Variants in DALRD3 observed in about 807,000 individuals in gnomAD.
DALRD3 encodes the protein DALR anticodon binding domain containing 3.
Under a neutral mutation model 56.7 loss-of-function variants are expected in DALRD3, and 47 were observed. That is an observed-to-expected ratio of 0.83 (90% CI 0.66 to 1.06). DALRD3 has a LOEUF of 1.06. Ranked by LOEUF, DALRD3 falls within the 50% of genes least tolerant of loss-of-function variation. The pLI is 0.00. For missense variants in DALRD3, 787 were observed against 724.0 expected (o/e 1.09, Z -1.00); for synonymous variants, 347 against 308.5 (o/e 1.12, Z -1.31).
At position 49,016,086 on chromosome 3, in the gene DALRD3, C is replaced by T. The variant is rs756955367; in HGVS notation, c.1330G>A (p.Gly444Ser). 2 of 1,604,420 alleles carry T rather than the reference C, an allele frequency of 1.2e-6. No homozygotes were observed. The highest frequency in any genetic ancestry group is 2.2e-5 in the South Asian group (2 of 90,218). The stretch of plus-strand genomic sequence containing the variant: ...CTGTTGAAGAGCAACAACCACTCAC[C>T]CTGTTGGGGAGAAAGGTGCTGGGAG... ...SLDFSLLHDE[G>S]EWLLLFNSIL... Residue 444 changes from glycine to serine, a missense_variant and splice_region_variant, in exon 10 of 12, where the codon GGT becomes AGT. Transcript: ENST00000341949.
In DALRD3 at chr3:49,016,294, T is replaced by C. The variant is rs1256985689; in HGVS notation, c.1193A>G (p.Lys398Arg). ...ADSSISTKGTKSGTFVMYNCA... is the reference protein window; with the variant it reads ...ADSSISTKGTRSGTFVMYNCA... ...ATTATACATGACAAAGGTGCCACTC[T>C]TTGTGCCCTTCGTGGAGATACTGCT... Residue 398 changes from lysine to arginine, a missense_variant, in exon 9 of 12, where the codon AAG (lysine) becomes AGG (arginine). Coordinates refer to ENST00000341949, the MANE Select transcript of DALRD3 (RefSeq NM_001009996.3). 6.2e-7 allele frequency: 1 copy of C among 1,612,474 alleles called. No homozygotes were observed. The highest frequency in any genetic ancestry group is 2.2e-5 in the East Asian group (1 of 44,814).
upstream of DALRD3, among the ~76,000 whole-genome samples, chr3:49,019,488 T>C (rs1261772420): frequency 6.6e-6 from 1 of 151,654 alleles, no homozygotes; most frequent in Non-Finnish European, 1.5e-5. Flanking sequence ...ACTTTTTTTT[T>C]TTTTTTTTGA....
chr3:49,017,526 C>CA lies in DALRD3; in HGVS notation c.719-14dup. 1 of 1,614,180 alleles carries CA rather than the reference C, an allele frequency of 6.2e-7. No homozygotes were observed. The highest frequency in any genetic ancestry group is 8.5e-7 in the Non-Finnish European group (1 of 1,180,040). On this transcript the variant is annotated splice_polypyrimidine_tract_variant and intron_variant, in intron 3 of 11. Coordinates refer to ENST00000341949, the MANE Select transcript of DALRD3 (RefSeq NM_001009996.3). ...AGATCCTCAGTCACTGAAAAGAGAA[C>CA]AGACAGGTGCTGAGACTGACAAGAA...
At chr3:49,020,288 C>A, upstream of DALRD3, 1 of 508,948 alleles carries the variant, frequency 2.0e-6, no homozygotes, top group Non-Finnish European at 4.1e-6. Flanking sequence ...TGGGAACCCT[C>A]AGTCAAACTG....
chr3:49,019,754 C>T (rs540065641), upstream of DALRD3, among the ~76,000 whole-genome samples: 3 of 152,314 alleles, frequency 2.0e-5, no homozygotes, highest in East Asian at 3.9e-4. Context: ...GGATTACAGG[C>T]GTGAGCCACC....
chr3:49,016,721 A>G (rs2093080423), intron 6 of DALRD3, 48 bp from the exon 7 acceptor site: 1 of 1,613,956 alleles, frequency 6.2e-7, no homozygotes, highest in Non-Finnish European at 8.5e-7. Context: ...CTGGGTAAAG[A>G]GTCCCCCCTC....
At position 49,017,339 on chromosome 3, in the gene DALRD3, A is replaced by G. The variant is rs762618519; in HGVS notation, c.816T>C (p.Thr272=). 8.7e-6 allele frequency: 14 copies of G among 1,614,084 alleles called. No individual in the cohort carries two copies. The highest frequency in any genetic ancestry group is 2.7e-5 in the African/African-American group (2 of 74,932). ...SHPGLAGASD[T]GTGGCLVVHV... ...GTACAACCAGGCAGCCGCCTGTACC[A>G]GTATCTGAGGCCCCAGCCTAAGGGA... is the stretch of plus-strand genomic sequence containing the variant. The change falls in exon 5 of 12, where the codon ACT becomes ACC. Residue 272 remains threonine (T), a synonymous_variant. Coordinates refer to ENST00000341949, the MANE Select transcript of DALRD3 (RefSeq NM_001009996.3).
Position 49,017,782 on chromosome 3 carries a change from C to G in DALRD3, c.549G>C (p.Ser183=). The change falls in exon 3 of 12, where the codon TCG becomes TCC. Residue 183 remains serine (S), a synonymous_variant. Coordinates refer to ENST00000341949, the MANE Select transcript of DALRD3 (RefSeq NM_001009996.3). ...TCAGGGTGTGGGAGGAAGCTCTCTC[C>G]GAGGCAGCGGGCCAGTCCACCCGCA... ...QQLRVDWPAA[S]ERASSHTLRS... 6.2e-7 allele frequency: 1 copy of G among 1,613,572 alleles called. No homozygotes were observed.
In DALRD3 at chr3:49,015,698, G is replaced by C; in HGVS notation, c.1522C>G (p.Pro508Ala). The C allele has an allele frequency of 1.9e-6, 3 of 1,614,098 alleles. No individual in the cohort carries two copies. Among genetic ancestry groups the C allele is most frequent in the African/African-American group, 1.3e-5 (1 of 75,008 alleles). Residue 508 changes from proline (P) to alanine (A), a missense_variant, in exon 12 of 12, where the codon CCA becomes GCA. Coordinates refer to ENST00000341949, the MANE Select transcript of DALRD3 (RefSeq NM_001009996.3). ...NRVHILGEPRPHLFGQMFVRL... is the reference protein window; with the variant it reads ...NRVHILGEPRAHLFGQMFVRL... The stretch of plus-strand genomic sequence containing the variant: ...ACGAACATCTGACCAAAGAGGTGTG[G>C]TCGAGGCTCCTGAAAGAGAAAGGGC...
At chr3:49,016,870 T>C (rs2093085025) in intron 5 of DALRD3, 23 bp from the exon 6 acceptor site, 2 of 1,613,910 alleles carry the variant, frequency 1.2e-6, no homozygotes, top group Admixed American at 3.3e-5. Flanking sequence ...TGTCAGGGGC[T>C]CAGCCTAGTT....
upstream of DALRD3, chr3:49,018,832 A>T: frequency 1.0e-6 from 1 of 985,428 alleles, no homozygotes; most frequent in Non-Finnish European, 1.2e-6. Context: ...AACCAGGAAA[A>T]GGATCCTCGC....
At position 49,018,182 on chromosome 3, in the gene DALRD3, G is replaced by A. The variant is rs1310094763; in HGVS notation, c.302C>T (p.Ala101Val). ...GGCGGGCGTGGCATAGGCGGCCACGGCGCTGAGGACGCGCTCGAAGACGGC... is the reference window on the plus strand; with the variant it reads ...GGCGGGCGTGGCATAGGCGGCCACGACGCTGAGGACGCGCTCGAAGACGGC... The part of the protein sequence containing the change: ...RSAVFERVLS[A>V]VAAYATPASP... Residue 101 changes from alanine (A) to valine (V), a missense_variant, in exon 2 of 12, where the codon GCC (alanine) becomes GTC (valine). By Grantham distance (64) the Ala-to-Val change is moderately conservative. Transcript: ENST00000341949. 5.5e-6 allele frequency: 8 copies of A among 1,451,118 alleles called. No homozygotes were observed. The South Asian group carries it at 1.2e-4, about 21-fold the overall frequency. The allele number at this position is 1,451,118 out of a possible 1,614,324, so 89.9% of individuals were successfully genotyped here.
At position 49,016,775 on chromosome 3, in the gene DALRD3, C is replaced by T. The variant is rs139901939; in HGVS notation, c.1000G>A (p.Glu334Lys). 21 of 1,614,152 alleles carry T rather than the reference C, an allele frequency of 1.3e-5. No individual in the cohort carries two copies. Among genetic ancestry groups the T allele is most frequent in the Non-Finnish European group, 1.6e-5 (19 of 1,180,026 alleles). The change falls in exon 6 of 12, where the codon GAG (glutamate) becomes AAG (lysine). Residue 334 changes from glutamate (E) to lysine (K), a missense_variant and splice_region_variant. Coordinates refer to ENST00000341949, the MANE Select transcript of DALRD3 (RefSeq NM_001009996.3). Reference sequence around the variant, plus strand: ...GGTGTTCCTCCCAGCCTCACTCACTCGTAGTACTCAGGGGCAGTCATCAGA... The same window carrying T: ...GGTGTTCCTCCCAGCCTCACTCACTTGTAGTACTCAGGGGCAGTCATCAGA... ...GTLMTAPEYYEFRHTQVCKAS... is the reference protein window; with the variant it reads ...GTLMTAPEYYKFRHTQVCKAS...
rs570572688 is a variant in DALRD3, at chr3:49,018,482, T to C, written c.83A>G (p.Lys28Arg). Reference sequence around the variant, plus strand: ...ACGCAGGTGGCGGGTGCGCGTCTCCTTGATCCACACCGGACCGCCTGGCCC... The same window carrying C: ...ACGCAGGTGGCGGGTGCGCGTCTCCCTGATCCACACCGGACCGCCTGGCCC... ...ALGPGGPVWI[K>R]ETRTRHLRSR... Residue 28 changes from lysine to arginine, a missense_variant, in exon 1 of 12, where the codon AAG (lysine) becomes AGG (arginine). Physicochemically the swap from Lys to Arg is conservative, Grantham distance 26. Coordinates refer to ENST00000341949, the MANE Select transcript of DALRD3 (RefSeq NM_001009996.3). The C allele has an allele frequency of 6.3e-7, 1 of 1,587,980 alleles. No homozygotes were observed. The highest frequency in any genetic ancestry group is 2.3e-5 in the East Asian group (1 of 43,470).
Position 49,016,503 on chromosome 3 carries a change from A to G in DALRD3, c.1072T>C (p.Trp358Arg), listed in dbSNP as rs559963267. Reference sequence around the variant, plus strand: ...GAGAGAACACCAAAGATCTCTGTCCAGGCTGGGTCTGAGGGAGTATAGGGT... The same window carrying G: ...GAGAGAACACCAAAGATCTCTGTCCGGGCTGGGTCTGAGGGAGTATAGGGT... The part of the protein sequence containing the change: ...HGGDLAQDPA[W>R]TEIFGVLSVA... The change falls in exon 8 of 12, where the codon TGG becomes CGG. Residue 358 changes from tryptophan to arginine, a missense_variant. Physicochemically the swap from Trp to Arg is moderately radical, Grantham distance 101. Transcript: ENST00000341949. 1.2e-6 allele frequency: 2 copies of G among 1,613,982 alleles called. No homozygotes were observed. The highest frequency in any genetic ancestry group is 4.5e-5 in the East Asian group (2 of 44,878).
chr3:49,018,499 G>T lies in DALRD3; in HGVS notation c.66C>A (p.Gly22=), dbSNP rs1347145939. 1.3e-6 allele frequency: 2 copies of T among 1,585,788 alleles called. No homozygotes were observed. Among genetic ancestry groups the T allele is most frequent in the African/African-American group, 1.3e-5 (1 of 74,252 alleles). The change falls in exon 1 of 12, where the codon GGC becomes GGA. Residue 22 remains glycine, a synonymous_variant. Coordinates refer to ENST00000341949, the MANE Select transcript of DALRD3 (RefSeq NM_001009996.3). ...LGALNAALGP[G]GPVWIKETRT... is the part of the protein sequence containing the mutation. ...GCGTCTCCTTGATCCACACCGGACC[G>T]CCTGGCCCCAGGGCCGCGTTGAGGG...
At position 49,017,279 on chromosome 3, in the gene DALRD3, C is replaced by T. The variant is rs1454490438; in HGVS notation, c.876G>A (p.Gln292=). Residue 292 remains glutamine, a synonymous_variant, in exon 5 of 12, where the codon CAG becomes CAA. Coordinates refer to ENST00000341949, the MANE Select transcript of DALRD3 (RefSeq NM_001009996.3). ...ACTTCTGCCAAAGCAGGTCCAACTT[C>T]TGTTGCTGGAACTCCTCCTCACAGC... ...VVSCEEEFQQ[Q]KLDLLWQKLV... The T allele has an allele frequency of 6.2e-7, 1 of 1,614,234 alleles. No individual in the cohort carries two copies. Among genetic ancestry groups the T allele is most frequent in the South Asian group, 1.1e-5 (1 of 91,092 alleles).
Position 49,017,840 on chromosome 3 carries a change from C to T in DALRD3, c.491G>A (p.Arg164Gln), listed in dbSNP as rs143496675. The T allele has an allele frequency of 4.4e-6, 7 of 1,606,980 alleles. No homozygotes were observed. The East Asian group carries it at 1.3e-4, about 31-fold the overall frequency. ...CAGGAAGGTCAGCATGTGCGGATCC[C>T]GCACAGCTGGCACTAGGCGCACGCA... ...GVCVRLVPAV[R>Q]DPHMLTFLQQ... Residue 164 changes from arginine (R) to glutamine (Q), a missense_variant, in exon 3 of 12, where the codon CGG (arginine) becomes CAG (glutamine). Transcript: ENST00000341949.
At position 49,017,321 on chromosome 3, in the gene DALRD3, C is replaced by T. The variant is rs367838171; in HGVS notation, c.834G>A (p.Leu278=). ...CCTCACAGCTAACAACATGTACAAC[C>T]AGGCAGCCGCCTGTACCAGTATCTG... is the stretch of plus-strand genomic sequence containing the variant. The part of the protein sequence containing the change: ...GASDTGTGGC[L]VVHVVSCEEE... The change falls in exon 5 of 12, where the codon CTG becomes CTA. Residue 278 remains leucine (L), a synonymous_variant. Coordinates refer to ENST00000341949, the MANE Select transcript of DALRD3 (RefSeq NM_001009996.3). 2 of 1,614,238 alleles carry T rather than the reference C, an allele frequency of 1.2e-6. No homozygotes were observed.
Sources: allele counts gnomAD v4.1 joint callset (sites outside exome capture counted in the v4.1 genomes callset), GRCh38; gene constraint gnomAD v4.1.1; transcripts MANE v1.5; gene names NCBI Gene and HGNC (gene_info 2026-07-23, HGNC 2026-07-21).